The following CYLD variants were observed in gnomAD, a reference collection of about 807,000 sequenced individuals.
CYLD encodes the protein CYLD lysine 63 deubiquitinase, also known as ubiquitin carboxyl-terminal hydrolase CYLD.
CYLD carries 26 observed loss-of-function variants against 104.5 expected under a neutral mutation model. That is an observed-to-expected ratio of 0.25 (90% confidence interval 0.18 to 0.35). The LOEUF is 0.35. Ranked by LOEUF, CYLD falls within the 10% of genes least tolerant of loss-of-function variation. The pLI, the probability that CYLD is intolerant of heterozygous loss-of-function variation, is 1.00. For missense variants in CYLD, 703 were observed against 1,136.1 expected, an observed-to-expected ratio of 0.62 and a Z score of 5.48; for synonymous variants, 385 against 399.9, an observed-to-expected ratio of 0.96 and a Z score of 0.45.
chr16:50,752,425 T>C (rs1966707613), intron 4 of CYLD, among the ~76,000 whole-genome samples: 1 of 152,180 alleles, frequency 6.6e-6, no homozygotes. Context: ...AGAAAATACC[T>C]GAGTAGAGGA....
intron 2 of CYLD, among the ~76,000 whole-genome samples, chr16:50,748,614 T>C (rs1161330545): frequency 2.0e-5 from 3 of 152,134 alleles, no homozygotes; most frequent in Non-Finnish European, 4.4e-5. Context: ...GAAATTATAA[T>C]GCAGTTATAT....
At chr16:50,746,279 C>T (rs1328111721) in intron 2 of CYLD, among the ~76,000 whole-genome samples, 6 of 152,304 alleles carry the variant, frequency 3.9e-5, no homozygotes, top group Middle Eastern at 3.4e-3. Flanking sequence ...CTCAAGCTGT[C>T]CACTCACCTT....
At chr16:50,759,102 G>T (rs1182308855) in intron 5 of CYLD, among the ~76,000 whole-genome samples, 1 of 152,060 alleles carries the variant, frequency 6.6e-6, no homozygotes, top group Admixed American at 6.6e-5. Flanking sequence ...TTAGCCAGGC[G>T]TGGTGGCGGT....
chr16:50,799,392 A>G lies in CYLD; in HGVS notation c.*2884A>G, dbSNP rs1322703659. 1.3e-5 allele frequency: 3 copies of G among 233,588 alleles called. No individual in the cohort carries two copies. The highest frequency in any genetic ancestry group is 1.8e-4 in the South Asian group (1 of 5,526). 14.5% of individuals were successfully genotyped at this position (233,588 alleles called of 1,614,324 possible). A position where few individuals can be genotyped will look rare whatever the true frequency, so the allele number is the denominator to read the frequency against. ...AGAGGCTAAATGTGTCCCATCCCTC[A>G]CTGTCAGCTTTATAAAGGAGTTTGA... On this transcript the variant is annotated 3_prime_UTR_variant, in exon 19 of 19. Transcript: ENST00000427738.
intron 3 of CYLD, among the ~76,000 whole-genome samples, chr16:50,750,525 G>T (rs1966532073): frequency 6.6e-6 from 1 of 152,032 alleles, no homozygotes; most frequent in African/African-American, 2.4e-5. Flanking sequence ...ATTATATTTT[G>T]ACATTCTTGC....
intron 11 of CYLD, among the ~76,000 whole-genome samples, chr16:50,782,708 A>G (rs1970345835): frequency 6.6e-6 from 1 of 152,160 alleles, no homozygotes. Flanking sequence ...ATATTGGTAC[A>G]ATGGAATAGA....
intron 8 of CYLD, chr16:50,778,142 G>A (rs1179541880): frequency 3.9e-6 from 2 of 512,988 alleles, no homozygotes; most frequent in Non-Finnish European, 7.0e-6. Context: ...AAATGTATTA[G>A]TAATTTGTTC....
chr16:50,767,501 G>A (rs1207504147), intron 5 of CYLD, among the ~76,000 whole-genome samples: 2 of 143,674 alleles, frequency 1.4e-5, no homozygotes, highest in Admixed American at 7.0e-5. Flanking sequence ...GAGTACTTTT[G>A]AAAGCTCAAA....
At position 50,797,809 on chromosome 16, in the gene CYLD, C is replaced by A. The variant is rs1039684859; in HGVS notation, c.*1301C>A. On this transcript the variant is annotated 3_prime_UTR_variant, in exon 19 of 19. Transcript: ENST00000427738. ...AAAAAGTGGAAAGAATCTTTACAAA[C>A]CCTGCAATTACTTTTTTAAAGGCAC... The A allele has an allele frequency of 4.3e-6, 1 of 232,460 alleles. No individual in the cohort carries two copies. Among genetic ancestry groups the A allele is most frequent in the Admixed American group, 5.6e-5 (1 of 17,758 alleles). 14.4% of individuals were successfully genotyped at this position (232,460 alleles called of 1,614,324 possible).
At chr16:50,743,819 C>T (rs368314979) in intron 2 of CYLD, among the ~76,000 whole-genome samples, 3 of 152,212 alleles carry the variant, frequency 2.0e-5, no homozygotes, top group East Asian at 1.9e-4. Flanking sequence ...GTATTTGTTT[C>T]TTCTTATATG....
rs1291433849 is a variant in CYLD, at chr16:50,755,190, C to T, written c.913+766C>T. 7.5e-5 allele frequency among the ~76,000 whole-genome samples: 10 copies of T among 134,134 alleles called. 1 individual carries two copies. Among genetic ancestry groups the T allele is most frequent in the East Asian group, 2.0e-4 (1 of 4,890 alleles). 88.0% of individuals were successfully genotyped at this position (134,134 alleles called of 152,430 possible). A position where few individuals can be genotyped will look rare whatever the true frequency, so the allele number is the denominator to read the frequency against. On this transcript the variant is annotated intron_variant, in intron 5 of 18. Transcript: ENST00000427738. ...GTACATATGTGTGTGTATATACACA[C>T]GTGTACATATGTGTGTGTATATACA...
At chr16:50,765,776 G>A (rs955115552) in intron 5 of CYLD, among the ~76,000 whole-genome samples, 3 of 152,166 alleles carry the variant, frequency 2.0e-5, no homozygotes, top group African/African-American at 7.2e-5. Context: ...TAGTTATCTG[G>A]ATAGAAGATC....
chr16:50,762,440 A>T (rs1968055180), intron 5 of CYLD, among the ~76,000 whole-genome samples: 1 of 152,022 alleles, frequency 6.6e-6, no homozygotes, highest in African/African-American at 2.4e-5. Flanking sequence ...AAGTTTCCAG[A>T]TGTACACGTG....
intron 5 of CYLD, among the ~76,000 whole-genome samples, chr16:50,755,660 G>T (rs1399003758): frequency 6.6e-6 from 1 of 152,072 alleles, no homozygotes; most frequent in South Asian, 2.1e-4. Flanking sequence ...ATGCTTGTTG[G>T]CTATTTGTAT....
rs1966482581 is a variant in CYLD, at chr16:50,749,930, C to T, written c.232C>T (p.Pro78Ser). The change falls in exon 3 of 19, where the codon CCT becomes TCT. Residue 78 changes from proline (P) to serine (S), a missense_variant. Physicochemically the swap from Pro to Ser is moderately conservative, Grantham distance 74. Transcript: ENST00000427738. ...GATTGGATTAAAAATTCTAGAGCAACCTCATGCAGTTCTCTTTGTTGATGA... is the reference window on the plus strand; with the variant it reads ...GATTGGATTAAAAATTCTAGAGCAATCTCATGCAGTTCTCTTTGTTGATGA... The part of the protein sequence containing the change: ...NQIGLKILEQ[P>S]HAVLFVDEKD... 1 of 1,614,092 alleles carries T rather than the reference C, an allele frequency of 6.2e-7. No homozygotes were observed. The highest frequency in any genetic ancestry group is 8.5e-7 in the Non-Finnish European group (1 of 1,180,006).
chr16:50,776,183 T>C lies in CYLD; in HGVS notation c.927T>C (p.Ser309=), dbSNP rs770859892. 13 of 1,609,126 alleles carry C rather than the reference T, an allele frequency of 8.1e-6. No individual in the cohort carries two copies. In the Admixed American group the frequency reaches 2.2e-4, roughly 27 times the overall value. The change falls in exon 7 of 19, where the codon AGT becomes AGC. Residue 309 remains serine (S), a synonymous_variant. Coordinates refer to ENST00000427738, the MANE Select transcript of CYLD (RefSeq NM_001378743.1). ...INDIIPALSE[S]VTQERRPPKL... is the part of the protein sequence containing the mutation. ...AAAACATGCTTACTGTTTCAGAGAG[T>C]GTGACGCAGGAAAGGAGGCCTCCCA...
intron 11 of CYLD, 59 bp downstream of exon 11, chr16:50,782,525 GGT>G (rs533669286): frequency 0.01 from 14,290 of 1,384,622 alleles, no homozygotes; most frequent in East Asian, 0.013. Context: ...GACACATACC[GGT>G]GTGTGTGTGT....
In CYLD at chr16:50,775,152, T is replaced by C; in HGVS notation, c.914-14T>C. On this transcript the variant is annotated splice_polypyrimidine_tract_variant and intron_variant, in intron 5 of 18. Transcript: ENST00000427738. Reference sequence around the variant, plus strand: ...AAATCCACTGTGGGTGATATCGTTTTTGCTGACACACAGCTTTATCAGGTA... The same window carrying C: ...AAATCCACTGTGGGTGATATCGTTTCTGCTGACACACAGCTTTATCAGGTA... 6.3e-7 allele frequency: 1 copy of C among 1,596,600 alleles called. No individual in the cohort carries two copies. Among genetic ancestry groups the C allele is most frequent in the Non-Finnish European group, 8.5e-7 (1 of 1,177,708 alleles).
At chr16:50,761,746 A>ATATCTATCTATCTATCTATC (rs58093805) in intron 5 of CYLD, among the ~76,000 whole-genome samples, 33,931 of 149,654 alleles carry the variant, frequency 0.23, 4,089 homozygotes, top group East Asian at 0.32. Flanking sequence ...ACATATCTCT[A>ATATCTATCTATCTATCTATC]TATCTATCTA....
Sources: allele counts gnomAD v4.1 joint callset (sites outside exome capture counted in the v4.1 genomes callset), GRCh38; gene constraint gnomAD v4.1.1; transcripts MANE v1.5; gene names NCBI Gene and HGNC (gene_info 2026-07-23, HGNC 2026-07-21).